RALB: variants seen among roughly 807,000 people sequenced by gnomAD.
RALB encodes the protein RAS like proto-oncogene B.
A neutral mutation model predicts 21.3 loss-of-function variants in RALB; 16 were observed. The ratio of observed to expected loss-of-function variants is 0.75; its 90% CI spans 0.51 to 1.14. The LOEUF is 1.14. Ranked by LOEUF, RALB falls within the 50% of genes most tolerant of loss-of-function variation. The probability of loss-of-function intolerance (pLI) is 0.00; values close to 1 mark genes in which losing one functional copy is unlikely to be tolerated. For synonymous variants in RALB, 93 were observed against 96.1 expected (o/e 0.97, Z 0.19); for missense variants, 161 against 256.2 (o/e 0.63, Z 2.54).
At chr2:120,254,152 T>A (rs1159480067) in intron 1 of RALB, among the ~76,000 whole-genome samples, 1 of 152,208 alleles carries the variant, frequency 6.6e-6, no homozygotes, top group Admixed American at 6.5e-5. Context: ...CTGGGTTTGA[T>A]GCAGGTTCTG....
At chr2:120,287,248 C>A (rs1428745748) in intron 3 of RALB, among the ~76,000 whole-genome samples, 1 of 152,166 alleles carries the variant, frequency 6.6e-6, no homozygotes, top group Non-Finnish European at 1.5e-5. Flanking sequence ...CACAGGTCAC[C>A]CAGCAGGGCT....
chr2:120,269,994 A>G (rs1689621837), intron 1 of RALB, among the ~76,000 whole-genome samples: 1 of 152,152 alleles, frequency 6.6e-6, no homozygotes, highest in African/African-American at 2.4e-5. Flanking sequence ...ACTACTAGAG[A>G]AATTGGGTTT....
At chr2:120,265,563 C>A (rs539429222) in intron 1 of RALB, among the ~76,000 whole-genome samples, 17 of 152,340 alleles carry the variant, frequency 1.1e-4, no homozygotes, top group African/African-American at 4.1e-4. Flanking sequence ...ACCCATAGAT[C>A]TGTGTCCTTG....
At chr2:120,244,431 C>T (rs1031131107) in intron 1 of RALB, among the ~76,000 whole-genome samples, 4 of 152,200 alleles carry the variant, frequency 2.6e-5, no homozygotes, top group African/African-American at 7.2e-5. Context: ...GGCTCACAGC[C>T]TCTGTTCCTG....
In RALB at chr2:120,288,342, G is replaced by GTTTTTTTT. The variant is rs547733377; in HGVS notation, c.324-1234_324-1227dup. Among the ~76,000 whole-genome samples, 763 of 116,990 alleles carry GTTTTTTTT rather than the reference G, an allele frequency of 6.5e-3. 110 individuals are homozygous for GTTTTTTTT. The highest frequency in any genetic ancestry group is 7.7e-3 in the Non-Finnish European group (461 of 60,152). The allele number at this position is 116,990 out of a possible 152,430, so 76.7% of individuals were successfully genotyped here. Reference sequence around the variant, plus strand: ...TTAAATTGACTACATGAAAATTTTAGTTTTTTTTTTTGTTTTTTTTTTTGT... The same window carrying GTTTTTTTT: ...TTAAATTGACTACATGAAAATTTTAGTTTTTTTTTTTTTTTTTTTGTTTTTTTTTTTGT... On this transcript the variant is annotated intron_variant, in intron 3 of 4. Coordinates refer to ENST00000272519, the MANE Select transcript of RALB (RefSeq NM_002881.3).
At chr2:120,272,460 G>A (rs189166479) in intron 1 of RALB, among the ~76,000 whole-genome samples, 5 of 152,296 alleles carry the variant, frequency 3.3e-5, no homozygotes, top group Admixed American at 2.0e-4. Flanking sequence ...AGAGAGGGAC[G>A]ACAGATGAAT....
intron 1 of RALB, among the ~76,000 whole-genome samples, chr2:120,275,201 A>G (rs536342523): frequency 6.6e-6 from 1 of 152,226 alleles, no homozygotes; most frequent in Admixed American, 6.5e-5. Context: ...CTCAGTTCCC[A>G]ATTGAAAAGG....
At chr2:120,241,298 C>T (rs1688890502) in intron 1 of RALB, among the ~76,000 whole-genome samples, 1 of 152,216 alleles carries the variant, frequency 6.6e-6, no homozygotes, top group South Asian at 2.1e-4. Context: ...TCCTAGGAGC[C>T]AGAAAGCTCA....
intron 1 of RALB, among the ~76,000 whole-genome samples, chr2:120,277,379 G>A (rs1369065610): frequency 9.9e-5 from 15 of 151,998 alleles, no homozygotes; most frequent in African/African-American, 2.9e-4. Context: ...GTGTGGTGGC[G>A]TGAACATGTA....
chr2:120,277,769 G>A (rs577542235), intron 1 of RALB, among the ~76,000 whole-genome samples: 7 of 150,562 alleles, frequency 4.6e-5, no homozygotes, highest in African/African-American at 1.0e-4. Context: ...GTATGACAGC[G>A]TGTGCTAGCA....
At chr2:120,260,074 C>T (rs138974756) in intron 1 of RALB, among the ~76,000 whole-genome samples, 5,042 of 152,336 alleles carry the variant, frequency 0.033, 272 homozygotes, top group African/African-American at 0.12. Flanking sequence ...CACGCCCACC[C>T]GGAACTCCAG....
At chr2:120,252,636 G>C (rs904970974), upstream of RALB, 2 of 260,484 alleles carry the variant, frequency 7.7e-6, no homozygotes, top group Non-Finnish European at 1.2e-5. Flanking sequence ...GAGGGGGACG[G>C]GGCAGGCGCG....
upstream of RALB, among the ~76,000 whole-genome samples, chr2:120,248,515 C>T (rs972245862): frequency 1.3e-5 from 2 of 151,216 alleles, no homozygotes; most frequent in Non-Finnish European, 2.9e-5. Context: ...TCCCTTCCTC[C>T]TGCAATCTCT....
chr2:120,273,023 A>AAG (rs1689704068), intron 1 of RALB, among the ~76,000 whole-genome samples: 2 of 152,164 alleles, frequency 1.3e-5, no homozygotes, highest in African/African-American at 4.8e-5. Flanking sequence ...TCTTATCTCT[A>AAG]ATACCCTGTG....
At chr2:120,269,317 GC>G (rs1689592926) in intron 1 of RALB, among the ~76,000 whole-genome samples, 1 of 152,208 alleles carries the variant, frequency 6.6e-6, no homozygotes, top group Non-Finnish European at 1.5e-5. Context: ...GAGTGTTATA[GC>G]TCTCAAAGGT....
At chr2:120,261,016 A>G (rs867063137) in intron 1 of RALB, among the ~76,000 whole-genome samples, 8 of 152,162 alleles carry the variant, frequency 5.3e-5, no homozygotes, top group African/African-American at 1.7e-4. Flanking sequence ...AGTGGTGCCA[A>G]ATCTTGGGCT....
intron 1 of RALB, among the ~76,000 whole-genome samples, chr2:120,245,972 G>T (rs1269629787): frequency 6.6e-6 from 1 of 152,204 alleles, no homozygotes; most frequent in Non-Finnish European, 1.5e-5. Flanking sequence ...TTAATGGTTT[G>T]GTGGTCTTAC....
intron 2 of RALB, 82 bp downstream of exon 2, chr2:120,278,860 C>G (rs117312514): frequency 2.3e-6 from 3 of 1,299,152 alleles, no homozygotes; most frequent in Admixed American, 3.2e-5. Flanking sequence ...TGTGCCGGTC[C>G]TCCCGTACAC....
At chr2:120,250,399 C>T (rs1226061470), upstream of RALB, among the ~76,000 whole-genome samples, 1 of 152,180 alleles carries the variant, frequency 6.6e-6, no homozygotes, top group East Asian at 1.9e-4. Context: ...CTTATATTGG[C>T]AATTAATTTC....
Sources: gnomAD v4.1 joint callset for allele counts (sites outside exome capture counted in the v4.1 genomes callset) on GRCh38, gnomAD v4.1.1 for gene constraint, MANE v1.5 for transcripts, NCBI Gene and HGNC (gene_info 2026-07-23, HGNC 2026-07-21) for gene names.